Variants in RPS6KC1 observed in about 807,000 individuals in gnomAD.
RPS6KC1 encodes the protein inactive ribosomal protein S6 kinase delta-1.
Under a neutral mutation model 103.8 loss-of-function variants are expected in RPS6KC1, and 54 were observed. The observed-to-expected ratio is 0.52, with a 90% CI of 0.42 to 0.65. The LOEUF is 0.65. Ranked by LOEUF, RPS6KC1 falls within the 30% of genes least tolerant of loss-of-function variation. The pLI is 0.00. For synonymous variants in RPS6KC1, 439 were observed against 438.7 expected, an observed-to-expected ratio of 1.00 and a Z score of -0.01; for missense variants, 1,151 against 1,253.8, an observed-to-expected ratio of 0.92 and a Z score of 1.24.
At chr1:213,200,231 A>G (rs180908308) in intron 8 of RPS6KC1, among the ~76,000 whole-genome samples, 255 of 152,338 alleles carry the variant, frequency 1.7e-3, no homozygotes, top group African/African-American at 5.8e-3. Context: ...ATGACTTCAA[A>G]GTATACTACA....
At chr1:213,726,621 A>G in the RPS6KC1 span, among the ~76,000 whole-genome samples, 2 of 152,208 alleles carry the variant, frequency 1.3e-5, no homozygotes, top group Admixed American at 1.3e-4. Context: ...TAAGCATCTA[A>G]GAATACTGCA....
At chr1:213,324,115 G>A in the RPS6KC1 span, among the ~76,000 whole-genome samples, 7 of 152,188 alleles carry the variant, frequency 4.6e-5, no homozygotes, top group African/African-American at 1.7e-4. Flanking sequence ...AGATATAAGA[G>A]TCATGGTCTT....
chr1:213,824,455 G>T, the RPS6KC1 span, among the ~76,000 whole-genome samples: 1 of 152,082 alleles, frequency 6.6e-6, no homozygotes, highest in Non-Finnish European at 1.5e-5. Flanking sequence ...AAAGCAAAAG[G>T]CTCTCTGAAA....
At chr1:213,470,099 C>A in the RPS6KC1 span, among the ~76,000 whole-genome samples, 1 of 152,206 alleles carries the variant, frequency 6.6e-6, no homozygotes, top group Admixed American at 6.5e-5. Flanking sequence ...AATAGCCAGT[C>A]AGCATTCAAA....
the RPS6KC1 span, among the ~76,000 whole-genome samples, chr1:213,768,202 A>T: frequency 8.5e-5 from 13 of 152,064 alleles, no homozygotes; most frequent in African/African-American, 2.9e-4. Flanking sequence ...TCCAGCGGGG[A>T]CTCAGTGTCC....
At chr1:213,405,797 G>A in the RPS6KC1 span, among the ~76,000 whole-genome samples, 1 of 152,206 alleles carries the variant, frequency 6.6e-6, no homozygotes, top group Admixed American at 6.5e-5. Flanking sequence ...ATAAGAGCGT[G>A]TATCCAGACA....
the RPS6KC1 span, among the ~76,000 whole-genome samples, chr1:213,682,367 C>T: frequency 9.2e-5 from 14 of 152,358 alleles, no homozygotes; most frequent in African/African-American, 3.4e-4. Context: ...ATTCAACCAA[C>T]ATTCATGGAG....
intron 12 of RPS6KC1, among the ~76,000 whole-genome samples, chr1:213,243,933 T>C (rs2094408616): frequency 6.6e-6 from 1 of 152,218 alleles, no homozygotes; most frequent in Non-Finnish European, 1.5e-5. Context: ...TTAAGAATTA[T>C]TTCTGCAGTA....
chr1:213,697,652 C>T, the RPS6KC1 span, among the ~76,000 whole-genome samples: 103 of 152,240 alleles, frequency 6.8e-4, 1 homozygote, highest in Middle Eastern at 6.8e-3. Context: ...TGGGTGTAAT[C>T]CTAAGTCTTC....
the RPS6KC1 span, among the ~76,000 whole-genome samples, chr1:213,648,143 A>G: frequency 1.3e-5 from 2 of 152,192 alleles, no homozygotes; most frequent in Admixed American, 6.5e-5. Flanking sequence ...TTTTGAAACC[A>G]TGAACTACCT....
At chr1:213,182,886 A>G (rs978271048) in intron 8 of RPS6KC1, among the ~76,000 whole-genome samples, 8 of 147,824 alleles carry the variant, frequency 5.4e-5, no homozygotes, top group Non-Finnish European at 1.2e-4. Context: ...TATGATGCAT[A>G]TATATGACGT....
chr1:213,739,234 T>A, the RPS6KC1 span, among the ~76,000 whole-genome samples: 1 of 152,208 alleles, frequency 6.6e-6, no homozygotes, highest in Non-Finnish European at 1.5e-5. Context: ...TATTTTCATT[T>A]CCTTATGATT....
chr1:213,659,348 T>C, the RPS6KC1 span, among the ~76,000 whole-genome samples: 462 of 152,318 alleles, frequency 3.0e-3, 1 homozygote, highest in Non-Finnish European at 5.0e-3. Context: ...CTTATTCTGA[T>C]ACGCTGTCCT....
At chr1:213,666,368 A>G in the RPS6KC1 span, among the ~76,000 whole-genome samples, 1 of 152,174 alleles carries the variant, frequency 6.6e-6, no homozygotes, top group African/African-American at 2.4e-5. Context: ...TCCACATCGC[A>G]TGGCCCTGGC....
At chr1:213,127,337 T>C (rs769166734) in intron 5 of RPS6KC1, among the ~76,000 whole-genome samples, 2 of 152,214 alleles carry the variant, frequency 1.3e-5, no homozygotes, top group Non-Finnish European at 1.5e-5. Flanking sequence ...CACATACTTA[T>C]AAAACCAATG....
chr1:213,166,693 T>A (rs993061053), intron 6 of RPS6KC1, among the ~76,000 whole-genome samples: 1 of 152,140 alleles, frequency 6.6e-6, no homozygotes, highest in East Asian at 1.9e-4. Context: ...ATGTAAAAGG[T>A]GTGAAATGAA....
At chr1:213,345,006 C>G in the RPS6KC1 span, among the ~76,000 whole-genome samples, 1 of 152,056 alleles carries the variant, frequency 6.6e-6, no homozygotes, top group African/African-American at 2.4e-5. Context: ...TTCTTTTGAC[C>G]TTTTAGTATA....
chr1:213,314,521 A>G, the RPS6KC1 span, among the ~76,000 whole-genome samples: 1 of 152,216 alleles, frequency 6.6e-6, no homozygotes, highest in South Asian at 2.1e-4. Context: ...TGTCAAATGC[A>G]TTAGAGAAAC....
the RPS6KC1 span, among the ~76,000 whole-genome samples, chr1:213,705,164 G>A: frequency 6.6e-6 from 1 of 152,222 alleles, no homozygotes; most frequent in Non-Finnish European, 1.5e-5. Context: ...TCTACAATCA[G>A]CAGGTAGCAA....
Sources: gnomAD v4.1 joint callset for allele counts (sites outside exome capture counted in the v4.1 genomes callset) on GRCh38, gnomAD v4.1.1 for gene constraint, MANE v1.5 for transcripts, NCBI Gene and HGNC (gene_info 2026-07-23, HGNC 2026-07-21) for gene names.